The following SPATA16 variants were observed in gnomAD, a reference collection of about 807,000 sequenced individuals.
The protein encoded by SPATA16 is spermatogenesis-associated protein 16.
In SPATA16, 36 loss-of-function variants were observed where a neutral mutation model predicts 63.3. The ratio of observed to expected loss-of-function variants is 0.57; its 90% CI spans 0.44 to 0.75. The LOEUF (loss-of-function observed/expected upper bound fraction) is 0.75, where lower values mean the gene tolerates loss of function less well. Among genes scored for constraint, SPATA16 ranks in the 30% least tolerant of loss-of-function variants. The pLI is 0.00. For synonymous variants in SPATA16, 203 were observed against 216.7 expected, an observed-to-expected ratio of 0.94 and a Z score of 0.56; for missense variants, 646 against 679.3, an observed-to-expected ratio of 0.95 and a Z score of 0.54.
At chr3:172,960,868 T>A (rs992899543) in intron 5 of SPATA16, among the ~76,000 whole-genome samples, 1 of 107,724 alleles carries the variant, frequency 9.3e-6, no homozygotes, top group Non-Finnish European at 1.8e-5. Context: ...TAACTTACTT[T>A]CTTTCTCTCT....
chr3:172,929,447 CA>C (rs1222000496), intron 6 of SPATA16, among the ~76,000 whole-genome samples: 1 of 152,118 alleles, frequency 6.6e-6, no homozygotes, highest in Non-Finnish European at 1.5e-5. Flanking sequence ...TATTGTACTC[CA>C]GAAGGCTGAA....
In SPATA16 at chr3:172,889,632, G is replaced by GT; in HGVS notation, c.1647dup (p.Leu550ThrfsTer49). On this transcript the variant is annotated frameshift_variant, in exon 11 of 11. Coordinates refer to ENST00000351008, the MANE Select transcript of SPATA16 (RefSeq NM_031955.6). LOFTEE classifies it high-confidence loss of function. ...GTTTTTTGCCTTCGAGCAGTTCTCA[G>GT]TTTTTTAGTTTTTAAGAAACTGTCC... The GT allele has an allele frequency of 1.2e-6, 2 of 1,613,734 alleles. No individual in the cohort carries two copies. The highest frequency in any genetic ancestry group is 1.7e-6 in the Non-Finnish European group (2 of 1,179,834).
chr3:173,057,115 C>CTTTTCTT (rs775415526), intron 2 of SPATA16, among the ~76,000 whole-genome samples: 1 of 138,186 alleles, frequency 7.2e-6, no homozygotes, highest in Non-Finnish European at 1.5e-5. Context: ...CTTTTCTTTT[C>CTTTTCTT]TTTTTTTTTT....
intron 4 of SPATA16, among the ~76,000 whole-genome samples, chr3:172,978,120 GCT>G (rs141560886): frequency 1.4e-5 from 2 of 145,578 alleles, no homozygotes; most frequent in African/African-American, 2.5e-5. Flanking sequence ...GGATTATTCA[GCT>G]CTCTCTCTCT....
intron 3 of SPATA16, among the ~76,000 whole-genome samples, chr3:173,048,510 C>A (rs1736006839): frequency 6.6e-6 from 1 of 151,974 alleles, no homozygotes; most frequent in African/African-American, 2.4e-5. Context: ...GGAAAGCTGT[C>A]CAAAGGATCC....
chr3:173,071,495 GA>G (rs1404861567), intron 2 of SPATA16, among the ~76,000 whole-genome samples: 2 of 151,884 alleles, frequency 1.3e-5, no homozygotes, highest in African/African-American at 4.8e-5. Flanking sequence ...CACAACAAAG[GA>G]AAAAAAGCAA....
intron 4 of SPATA16, among the ~76,000 whole-genome samples, chr3:172,995,995 A>G (rs1011836505): frequency 2.1e-4 from 32 of 152,190 alleles, no homozygotes; most frequent in Non-Finnish European, 3.4e-4. Context: ...CAAGTATCCA[A>G]TTTAGTTACA....
At chr3:172,905,211 C>T (rs12629617) in intron 10 of SPATA16, among the ~76,000 whole-genome samples, 14,667 of 152,106 alleles carry the variant, frequency 0.096, 803 homozygotes, top group African/African-American at 0.14. Context: ...AGAAGATTCA[C>T]AATCAAATTG....
intron 4 of SPATA16, among the ~76,000 whole-genome samples, chr3:172,988,897 CAA>C (rs1254451025): frequency 6.6e-6 from 1 of 152,152 alleles, no homozygotes; most frequent in Non-Finnish European, 1.5e-5. Context: ...CTCCGCTTCC[CAA>C]AGTGCTGAGA....
At chr3:173,092,626 C>G (rs1560120357) in intron 2 of SPATA16, among the ~76,000 whole-genome samples, 1 of 152,028 alleles carries the variant, frequency 6.6e-6, no homozygotes, top group Admixed American at 6.6e-5. Flanking sequence ...TGGAAAAAGC[C>G]AAAACCCAGA....
intron 2 of SPATA16, among the ~76,000 whole-genome samples, chr3:173,078,249 T>A (rs748940654): frequency 6.6e-6 from 1 of 152,148 alleles, no homozygotes; most frequent in Non-Finnish European, 1.5e-5. Context: ...GAGGGTATGC[T>A]CTTAACCACT....
intron 6 of SPATA16, among the ~76,000 whole-genome samples, chr3:172,943,900 C>T (rs10222426): frequency 0.088 from 13,325 of 151,996 alleles, 1,945 homozygotes; most frequent in African/African-American, 0.3. Context: ...GAACAAAGAG[C>T]ACAAACATGC....
intron 4 of SPATA16, among the ~76,000 whole-genome samples, chr3:173,006,057 C>A (rs1734939503): frequency 6.6e-6 from 1 of 152,144 alleles, no homozygotes; most frequent in Non-Finnish European, 1.5e-5. Context: ...ACTTCTACTA[C>A]TTACCTAAAT....
At chr3:172,922,471 CT>C (rs1231068645) in intron 8 of SPATA16, among the ~76,000 whole-genome samples, 3 of 152,186 alleles carry the variant, frequency 2.0e-5, no homozygotes, top group Non-Finnish European at 4.4e-5. Flanking sequence ...CCAGAATACT[CT>C]TTAAAAGGTG....
chr3:173,069,187 A>C (rs1355390119), intron 2 of SPATA16, among the ~76,000 whole-genome samples: 1 of 152,046 alleles, frequency 6.6e-6, no homozygotes, highest in African/African-American at 2.4e-5. Flanking sequence ...AACAAAACAC[A>C]TAATGAAATG....
At chr3:172,904,317 G>T (rs1230663115) in intron 10 of SPATA16, among the ~76,000 whole-genome samples, 1 of 152,140 alleles carries the variant, frequency 6.6e-6, no homozygotes, top group Non-Finnish European at 1.5e-5. Flanking sequence ...GCAAGCTTCA[G>T]ACAAACTAAC....
At chr3:173,110,802 G>A (rs751627433) in intron 2 of SPATA16, among the ~76,000 whole-genome samples, 1 of 152,146 alleles carries the variant, frequency 6.6e-6, no homozygotes, top group African/African-American at 2.4e-5. Context: ...TTACGACTAC[G>A]TGAGCTACTG....
At chr3:173,141,034 C>G (rs1233914221) in intron 1 of SPATA16, 69 bp downstream of exon 1, 1 of 152,400 alleles carries the variant, frequency 6.6e-6, no homozygotes, top group Non-Finnish European at 1.5e-5. Context: ...GGTCATCTCC[C>G]TTCCTTCCCA....
At position 172,983,656 on chromosome 3, in the gene SPATA16, T is replaced by C. The variant is rs75196068; in HGVS notation, c.849-6604A>G. 4.9e-3 allele frequency among the ~76,000 whole-genome samples: 748 copies of C among 152,104 alleles called. 3 individuals are homozygous for C. Among genetic ancestry groups the C allele is most frequent in the African/African-American group, 0.017 (721 of 41,422 alleles). The stretch of plus-strand genomic sequence containing the variant: ...TATTGTTGCAGAGTGTATTTTTCTT[T>C]TGACTATAAATACACACTAATATTA... On this transcript the variant is annotated intron_variant, in intron 4 of 10. Transcript: ENST00000351008.
Sources: allele counts gnomAD v4.1 joint callset (sites outside exome capture counted in the v4.1 genomes callset), GRCh38; gene constraint gnomAD v4.1.1; transcripts MANE v1.5; gene names NCBI Gene and HGNC (gene_info 2026-07-23, HGNC 2026-07-21).